The following ICA1L variants were observed in gnomAD, a reference collection of about 807,000 sequenced individuals.
The protein encoded by ICA1L is islet cell autoantigen 1-like protein.
A neutral mutation model predicts 61.3 loss-of-function variants in ICA1L; 50 were observed. The ratio of observed to expected loss-of-function variants is 0.82; its 90% CI spans 0.65 to 1.03. The LOEUF (loss-of-function observed/expected upper bound fraction) is 1.03. ICA1L is among the 50% of genes least tolerant of loss of function. ICA1L has a pLI of 0.00. For synonymous variants in ICA1L, 161 were observed against 191.3 expected (o/e 0.84, Z 1.31); for missense variants, 508 against 556.7 (o/e 0.91, Z 0.88).
chr2:202,865,240 G>A (rs1160665222), intron 1 of ICA1L, among the ~76,000 whole-genome samples: 2 of 151,614 alleles, frequency 1.3e-5, no homozygotes, highest in Admixed American at 6.6e-5. Flanking sequence ...AGGCCGAGGC[G>A]GGCGGGTCAC....
intron 1 of ICA1L, among the ~76,000 whole-genome samples, chr2:202,863,866 G>T (rs1687379774): frequency 6.7e-6 from 1 of 149,468 alleles, no homozygotes; most frequent in Non-Finnish European, 1.5e-5. Context: ...CGTCACTATA[G>T]ATCCTACAGA....
At chr2:202,788,693 G>T (rs561136276) in intron 11 of ICA1L, 137 bp downstream of exon 11, 6 of 831,006 alleles carry the variant, frequency 7.2e-6, no homozygotes, top group East Asian at 2.7e-5. Context: ...CCAGTTGATT[G>T]GTGGACTGCA....
intron 12 of ICA1L, 150 bp from the exon 13 acceptor site, chr2:202,779,798 GA>G (rs1281081421): frequency 1.3e-5 from 6 of 479,702 alleles, no homozygotes; most frequent in South Asian, 3.1e-5. Context: ...GTCCCTTTAA[GA>G]TTTTTTTTTT....
At chr2:202,836,310 T>A (rs1398255791) in intron 1 of ICA1L, among the ~76,000 whole-genome samples, 1 of 152,212 alleles carries the variant, frequency 6.6e-6, no homozygotes, top group African/African-American at 2.4e-5. Context: ...AAATATGGTG[T>A]ATCACTATTG....
intron 10 of ICA1L, among the ~76,000 whole-genome samples, chr2:202,790,728 GC>G (rs1692721304): frequency 1.3e-5 from 2 of 152,138 alleles, no homozygotes; most frequent in Admixed American, 1.3e-4. Flanking sequence ...AGAATATAGG[GC>G]CCCTGATCAC....
intron 1 of ICA1L, among the ~76,000 whole-genome samples, chr2:202,867,002 T>C (rs1028800565): frequency 4.6e-5 from 7 of 152,124 alleles, no homozygotes; most frequent in Admixed American, 3.9e-4. Flanking sequence ...GGGCAGACAA[T>C]GATTTCTTAG....
intron 1 of ICA1L, among the ~76,000 whole-genome samples, chr2:202,856,708 A>C (rs991229288): frequency 7.2e-5 from 11 of 152,226 alleles, no homozygotes; most frequent in Non-Finnish European, 1.5e-5. Flanking sequence ...TTTACAGAAG[A>C]CATGATTGTA....
rs1257580547 is a variant in ICA1L at position 202,777,383 on chromosome 2, A to G, written c.*2150T>C. On this transcript the variant is annotated 3_prime_UTR_variant, in exon 13 of 13. Coordinates refer to ENST00000358299, the MANE Select transcript of ICA1L (RefSeq NM_001288622.3). ...TTTAGCATTTTTTGAGGCACTCAAA[A>G]GTTGAGAGCATCAGAGTCACCATGG... The G allele has an allele frequency of 6.6e-6, 1 of 152,148 alleles. No individual in the cohort carries two copies. The highest frequency in any genetic ancestry group is 1.5e-5 in the Non-Finnish European group (1 of 68,056). 9.4% of individuals were successfully genotyped at this position (152,148 alleles called of 1,614,324 possible). A position where few individuals can be genotyped will look rare whatever the true frequency, so the allele number is the denominator to read the frequency against.
chr2:202,851,552 C>G (rs555026407), intron 1 of ICA1L, among the ~76,000 whole-genome samples: 15 of 152,190 alleles, frequency 9.9e-5, no homozygotes, highest in African/African-American at 3.4e-4. Flanking sequence ...GGGTCAAATG[C>G]TATTTCTAGT....
intron 1 of ICA1L, among the ~76,000 whole-genome samples, chr2:202,850,994 T>A (rs1274351665): frequency 6.6e-6 from 1 of 152,008 alleles, no homozygotes; most frequent in Non-Finnish European, 1.5e-5. Flanking sequence ...TCAACATTCT[T>A]AAAGAAAATA....
chr2:202,825,931 G>A (rs181346317), intron 2 of ICA1L, among the ~76,000 whole-genome samples, 164 bp from the exon 3 acceptor site: 3 of 151,988 alleles, frequency 2.0e-5, no homozygotes, highest in Non-Finnish European at 4.4e-5. Flanking sequence ...TTTTACTTCC[G>A]ATGTAGAAAG....
intron 1 of ICA1L, among the ~76,000 whole-genome samples, chr2:202,847,695 T>A (rs974305170): frequency 1.1e-4 from 11 of 102,204 alleles, no homozygotes; most frequent in African/African-American, 4.3e-4. Context: ...TATATGGGAA[T>A]TATATATATA....
chr2:202,780,234 T>C (rs1260062305), intron 12 of ICA1L, among the ~76,000 whole-genome samples: 1 of 152,160 alleles, frequency 6.6e-6, no homozygotes, highest in Non-Finnish European at 1.5e-5. Flanking sequence ...GGGAAAAAAC[T>C]CCCCCTAATC....
At chr2:202,785,371 T>C (rs1215509085) in intron 12 of ICA1L, among the ~76,000 whole-genome samples, 1 of 152,142 alleles carries the variant, frequency 6.6e-6, no homozygotes, top group African/African-American at 2.4e-5. Flanking sequence ...ACACAAACTA[T>C]AAAAGATTAC....
chr2:202,788,561 A>G (rs1692656354), intron 11 of ICA1L, among the ~76,000 whole-genome samples: 1 of 152,150 alleles, frequency 6.6e-6, no homozygotes, highest in Non-Finnish European at 1.5e-5. Context: ...TAGCAGGTCA[A>G]GTGTTTTAAA....
intron 11 of ICA1L, chr2:202,786,594 A>G: frequency 3.2e-6 from 1 of 308,766 alleles, no homozygotes; most frequent in Non-Finnish European, 6.3e-6. Context: ...TGCAAAAGGT[A>G]TAGGAAGAAG....
At chr2:202,801,325 T>C (rs767011337) in intron 9 of ICA1L, among the ~76,000 whole-genome samples, 18 of 152,218 alleles carry the variant, frequency 1.2e-4, no homozygotes, top group Admixed American at 2.0e-4. Flanking sequence ...TCATGTAGTT[T>C]GGTTTCATTT....
intron 4 of ICA1L, among the ~76,000 whole-genome samples, chr2:202,820,937 GTAA>G (rs1481217027): frequency 1.3e-5 from 2 of 152,144 alleles, no homozygotes; most frequent in Non-Finnish European, 2.9e-5. Flanking sequence ...TGGAAAGTAT[GTAA>G]TTAAGAAGAA....
At chr2:202,806,189 C>G (rs1693221226) in intron 9 of ICA1L, among the ~76,000 whole-genome samples, 2 of 152,276 alleles carry the variant, frequency 1.3e-5, no homozygotes, top group Admixed American at 6.5e-5. Context: ...CCAGGGGAAA[C>G]TCCTTTCCGC....
Sources: allele counts gnomAD v4.1 joint callset (sites outside exome capture counted in the v4.1 genomes callset), GRCh38; gene constraint gnomAD v4.1.1; transcripts MANE v1.5; gene names NCBI Gene and HGNC (gene_info 2026-07-23, HGNC 2026-07-21).